Variants in ARHGAP28 observed in about 807,000 individuals in gnomAD.
ARHGAP28 encodes Rho GTPase activating protein 28.
A neutral mutation model predicts 90.7 loss-of-function variants in ARHGAP28; 56 were observed. The ratio of observed to expected loss-of-function variants is 0.62; its 90% confidence interval spans 0.50 to 0.77. The LOEUF (loss-of-function observed/expected upper bound fraction) is 0.77. Among genes scored for constraint, ARHGAP28 ranks in the 30% least tolerant of loss-of-function variants. The probability of loss-of-function intolerance (pLI) is 0.00; values close to 1 mark genes in which losing one functional copy is unlikely to be tolerated. For missense variants in ARHGAP28, 869 were observed against 900.9 expected (o/e 0.96, Z 0.45); for synonymous variants, 308 against 323.3 (o/e 0.95, Z 0.51).
In ARHGAP28 at chr18:6,827,641, ACC is replaced by A. The variant is rs369251993; in HGVS notation, c.325+2686_325+2687del. ...GGGCGGCTGGCCGGCAGGGGGGCTG[ACC>A]CCCCCCCCACCTCCCTCCTGGATGG... On this transcript the variant is annotated intron_variant, in intron 2 of 17. Transcript: ENST00000383472. Among the ~76,000 whole-genome samples the A allele has an allele frequency of 3.3e-3, 425 of 130,568 alleles. 1 individual carries two copies. Among genetic ancestry groups the A allele is most frequent in the African/African-American group, 7.0e-3 (233 of 33,426 alleles). The allele number at this position is 130,568 out of a possible 152,430, so 85.7% of individuals were successfully genotyped here. A position where few individuals can be genotyped will look rare whatever the true frequency, so the allele number is the denominator to read the frequency against.
At chr18:6,797,049 A>C (rs1219875795) in intron 1 of ARHGAP28, among the ~76,000 whole-genome samples, 1 of 152,230 alleles carries the variant, frequency 6.6e-6, no homozygotes, top group Non-Finnish European at 1.5e-5. Context: ...TATGACCAAC[A>C]AATATTTATT....
At chr18:6,827,652 A>C (rs1160190579) in intron 2 of ARHGAP28, among the ~76,000 whole-genome samples, 6 of 115,054 alleles carry the variant, frequency 5.2e-5, no homozygotes, top group Non-Finnish European at 9.4e-5. Context: ...CCCCCCCCCC[A>C]CCTCCCTCCT....
Position 6,910,976 on chromosome 18 carries a change from C to A in ARHGAP28, c.2096-1084C>A, listed in dbSNP as rs374229371. Among the ~76,000 whole-genome samples, 488 of 151,996 alleles carry A rather than the reference C, an allele frequency of 3.2e-3. 7 individuals are homozygous for A. The highest frequency in any genetic ancestry group is 0.011 in the African/African-American group (460 of 41,414). On this transcript the variant is annotated intron_variant, in intron 17 of 17. Coordinates refer to ENST00000383472, the MANE Select transcript of ARHGAP28 (RefSeq NM_001366230.1). ...TCTCCTGCCTCAGCCTCCGGAGTAGCTGGGATTACAGGCGCCCATCACCAC... is the reference window on the plus strand; with the variant it reads ...TCTCCTGCCTCAGCCTCCGGAGTAGATGGGATTACAGGCGCCCATCACCAC...
chr18:6,851,188 T>C, intron 4 of ARHGAP28, 62 bp downstream of exon 4: 5 of 1,484,544 alleles, frequency 3.4e-6, no homozygotes, highest in Non-Finnish European at 4.7e-6. Flanking sequence ...TCAAGATGGT[T>C]GAGCAAAACT....
chr18:6,795,414 C>T (rs1392895453), intron 1 of ARHGAP28, among the ~76,000 whole-genome samples: 1 of 152,156 alleles, frequency 6.6e-6, no homozygotes, highest in Non-Finnish European at 1.5e-5. Flanking sequence ...GAGGATTTCT[C>T]TGTGTGTCCC....
At chr18:6,830,250 G>A (rs766679722) in intron 2 of ARHGAP28, among the ~76,000 whole-genome samples, 5 of 151,724 alleles carry the variant, frequency 3.3e-5, no homozygotes, top group East Asian at 3.9e-4. Flanking sequence ...TATAGTCACC[G>A]TACTGTGCTA....
At chr18:6,890,812 G>C (rs1356215591) in intron 14 of ARHGAP28, among the ~76,000 whole-genome samples, 2 of 152,144 alleles carry the variant, frequency 1.3e-5, no homozygotes, top group Admixed American at 6.5e-5. Flanking sequence ...AGGCTAAAAT[G>C]GTTCTCGCAA....
chr18:6,842,215 C>T (rs536146812), intron 3 of ARHGAP28, among the ~76,000 whole-genome samples: 19 of 152,096 alleles, frequency 1.2e-4, no homozygotes, highest in African/African-American at 4.6e-4. Flanking sequence ...TAGCCAGTTG[C>T]GGTGGCACGT....
intron 1 of ARHGAP28, among the ~76,000 whole-genome samples, chr18:6,792,302 AT>A (rs1338263995): frequency 1.3e-5 from 2 of 152,180 alleles, no homozygotes; most frequent in East Asian, 3.9e-4. Context: ...TGTGCAGTTT[AT>A]TGTTCATCAG....
At chr18:6,736,930 A>G (rs1193182036) in intron 1 of ARHGAP28, among the ~76,000 whole-genome samples, 1 of 150,704 alleles carries the variant, frequency 6.6e-6, no homozygotes, top group Non-Finnish European at 1.5e-5. Context: ...TGTTATCTGA[A>G]CATCTGCAAA....
At chr18:6,765,738 T>C (rs2056195104) in intron 1 of ARHGAP28, among the ~76,000 whole-genome samples, 3 of 152,172 alleles carry the variant, frequency 2.0e-5, no homozygotes, top group South Asian at 4.1e-4. Context: ...TCTATTTTAA[T>C]ATAACCATTT....
intron 3 of ARHGAP28, among the ~76,000 whole-genome samples, chr18:6,838,734 A>C (rs374965849): frequency 2.0e-5 from 3 of 152,200 alleles, no homozygotes; most frequent in Admixed American, 2.0e-4. Flanking sequence ...ATATATAATG[A>C]TATAACTTAT....
chr18:6,786,884 C>T (rs2056369002), intron 1 of ARHGAP28, among the ~76,000 whole-genome samples: 2 of 151,848 alleles, frequency 1.3e-5, no homozygotes, highest in Admixed American at 1.3e-4. Context: ...TTCCCTTTGG[C>T]CTAAAAATAT....
At position 6,729,820 on chromosome 18, in the gene ARHGAP28, C is replaced by G; in HGVS notation, c.-2C>G. Reference sequence around the variant, plus strand: ...CCGGCGCCGAGACATGCGCGGCTGACGATGGAGGTGGAGGACTCGGGCGGC... The same window carrying G: ...CCGGCGCCGAGACATGCGCGGCTGAGGATGGAGGTGGAGGACTCGGGCGGC... On this transcript the variant is annotated 5_prime_UTR_variant, in exon 1 of 18. Coordinates refer to ENST00000383472, the MANE Select transcript of ARHGAP28 (RefSeq NM_001366230.1). 7.1e-7 allele frequency: 1 copy of G among 1,414,426 alleles called. No individual in the cohort carries two copies. Among genetic ancestry groups the G allele is most frequent in the Non-Finnish European group, 9.2e-7 (1 of 1,086,462 alleles). The allele number at this position is 1,414,426 out of a possible 1,614,324, so 87.6% of individuals were successfully genotyped here. A position where few individuals can be genotyped will look rare whatever the true frequency, so the allele number is the denominator to read the frequency against.
At chr18:6,870,849 G>T (rs1436444914) in intron 7 of ARHGAP28, 117 bp downstream of exon 7, 1 of 1,098,732 alleles carries the variant, frequency 9.1e-7, no homozygotes, top group South Asian at 1.6e-5. Context: ...GCCCCAGGCT[G>T]GAGTGCAGTG....
chr18:6,739,420 A>C (rs2143163227), intron 1 of ARHGAP28, among the ~76,000 whole-genome samples: 1 of 152,034 alleles, frequency 6.6e-6, no homozygotes, highest in East Asian at 1.9e-4. Flanking sequence ...AATATATTTG[A>C]GAACTCTTGT....
At position 6,794,091 on chromosome 18, in the gene ARHGAP28, G is replaced by T. The variant is rs564142098; in HGVS notation, c.123-30671G>T. Among the ~76,000 whole-genome samples, 49 of 152,180 alleles carry T rather than the reference G, an allele frequency of 3.2e-4. No individual in the cohort carries two copies. In the South Asian group the frequency reaches 9.5e-3, roughly 30 times the overall value. ...GTATGGCGTGCAGTTCTAGGCTTAA[G>T]GTGTTGCAAAATAGATGCACAGAAA... On this transcript the variant is annotated intron_variant, in intron 1 of 17. Coordinates refer to ENST00000383472, the MANE Select transcript of ARHGAP28 (RefSeq NM_001366230.1).
chr18:6,887,809 T>A (rs910577273), intron 12 of ARHGAP28, among the ~76,000 whole-genome samples: 5 of 152,268 alleles, frequency 3.3e-5, no homozygotes, highest in Middle Eastern at 3.4e-3. Flanking sequence ...TTGGGCAAGG[T>A]GTTAGGAGTA....
intron 1 of ARHGAP28, among the ~76,000 whole-genome samples, chr18:6,821,556 TGGTTCCTTCTCCACCCTG>T (rs2056627018): frequency 6.6e-6 from 1 of 152,300 alleles, no homozygotes; most frequent in South Asian, 2.1e-4. Context: ...TGGAAATTCA[TGGTTCCTTCTCCACCCTG>T]GGGTGAAGGA....
Sources: gnomAD v4.1 joint callset for allele counts (sites outside exome capture counted in the v4.1 genomes callset) on GRCh38, gnomAD v4.1.1 for gene constraint, MANE v1.5 for transcripts, NCBI Gene and HGNC (gene_info 2026-07-23, HGNC 2026-07-21) for gene names.